Variants in UBE2L3 observed in about 807,000 individuals in gnomAD.
The protein encoded by UBE2L3 is ubiquitin conjugating enzyme E2 L3.
A neutral mutation model predicts 17.8 loss-of-function variants in UBE2L3; 1 was observed. That is an observed-to-expected ratio of 0.06 (90% CI 0.02 to 0.27). UBE2L3 has a LOEUF of 0.27. Ranked by LOEUF, UBE2L3 falls within the 10% of genes least tolerant of loss-of-function variation. The probability of loss-of-function intolerance (pLI) is 1.00; values close to 1 mark genes in which losing one functional copy is unlikely to be tolerated. For synonymous variants in UBE2L3, 44 were observed against 68.5 expected (o/e 0.64, Z 1.76); for missense variants, 40 against 192.6 (o/e 0.21, Z 4.69).
chr22:21,576,875 C>T (rs1268467744), intron 1 of UBE2L3, among the ~76,000 whole-genome samples: 1 of 140,430 alleles, frequency 7.1e-6, no homozygotes, highest in Non-Finnish European at 1.5e-5. Flanking sequence ...ACGATCTTGG[C>T]TCACTGCAAC....
At chr22:21,592,981 C>T (rs1265474584) in intron 2 of UBE2L3, 25 bp downstream of exon 2, 3 of 1,588,246 alleles carry the variant, frequency 1.9e-6, no homozygotes, top group Non-Finnish European at 2.6e-6. Context: ...CTTCCACTTC[C>T]TACCAGATTA....
rs2148438624 is a variant in UBE2L3, at chr22:21,607,646, TTCCCCAGCTC to T, written c.124-3209_124-3200del. Among the ~76,000 whole-genome samples the T allele has an allele frequency of 1.3e-5, 2 of 152,172 alleles. 1 individual carries two copies. Among genetic ancestry groups the T allele is most frequent in the South Asian group, 4.1e-4 (2 of 4,830 alleles). ...GAAAAGGGAGTACAATGGGAAGGGC[TTCCCCAGCTC>T]TGGAGATAGGTAGGGTTGGGGAGAG... On this transcript the variant is annotated intron_variant, in intron 2 of 3. Transcript: ENST00000342192.
chr22:21,559,299 G>A (rs2148390739), intron 1 of UBE2L3, among the ~76,000 whole-genome samples: 1 of 151,664 alleles, frequency 6.6e-6, no homozygotes, highest in South Asian at 2.1e-4. Flanking sequence ...AGTGAGCTGA[G>A]GTTGTGCCAC....
intron 2 of UBE2L3, among the ~76,000 whole-genome samples, chr22:21,594,287 T>A (rs1928409972): frequency 6.6e-6 from 1 of 152,018 alleles, no homozygotes; most frequent in Non-Finnish European, 1.5e-5. Context: ...TTCTTCCTGA[T>A]GCTGGTTATA....
intron 1 of UBE2L3, among the ~76,000 whole-genome samples, chr22:21,561,670 G>A (rs1313774674): frequency 1.3e-5 from 2 of 152,288 alleles, no homozygotes; most frequent in African/African-American, 2.4e-5. Flanking sequence ...TGGACATGGG[G>A]AGTGTAGTGG....
At chr22:21,561,345 G>A (rs556115224) in intron 1 of UBE2L3, among the ~76,000 whole-genome samples, 1,035 of 152,020 alleles carry the variant, frequency 6.8e-3, no homozygotes, top group African/African-American at 0.024. Context: ...GGAGGCTGAG[G>A]TGGGAGAATC....
rs139938687 is a variant in UBE2L3, at chr22:21,584,950, C to T, written c.28-7911C>T. 1.2e-4 allele frequency among the ~76,000 whole-genome samples: 19 copies of T among 152,248 alleles called. No homozygotes were observed. In the East Asian group the frequency reaches 3.5e-3, roughly 28 times the overall value. On this transcript the variant is annotated intron_variant, in intron 1 of 3. Coordinates refer to ENST00000342192, the MANE Select transcript of UBE2L3 (RefSeq NM_003347.4). ...CACTCCAGCCTGGAGAGCGAGACTC[C>T]GTCTCAAAACAAACAAACAAAAAAC... is the stretch of plus-strand genomic sequence containing the variant.
At chr22:21,570,728 A>G (rs2256609) in intron 1 of UBE2L3, among the ~76,000 whole-genome samples, 28,246 of 152,192 alleles carry the variant, frequency 0.19, 3,489 homozygotes, top group East Asian at 0.41. Context: ...AAAGGAAGAA[A>G]AATTATTGAT....
At chr22:21,565,754 C>CAAAAAA (rs131662), upstream of UBE2L3, among the ~76,000 whole-genome samples, 530 of 30,150 alleles carry the variant, frequency 0.018, 29 homozygotes, top group Non-Finnish European at 0.02. Context: ...AACTGTGTCT[C>CAAAAAA]AAAAAAAAAA....
chr22:21,571,314 A>G (rs764468927), intron 1 of UBE2L3, among the ~76,000 whole-genome samples: 11 of 152,200 alleles, frequency 7.2e-5, no homozygotes, highest in Non-Finnish European at 8.8e-5. Context: ...ATTTCCCCTA[A>G]GGGCCCTCCT....
chr22:21,582,608 C>A (rs542475611), intron 1 of UBE2L3, among the ~76,000 whole-genome samples: 1 of 152,278 alleles, frequency 6.6e-6, no homozygotes, highest in East Asian at 1.9e-4. Context: ...TCACTGCAAC[C>A]TCTGCCTCAT....
intron 1 of UBE2L3, among the ~76,000 whole-genome samples, chr22:21,569,484 C>T (rs1926841335): frequency 6.6e-6 from 1 of 151,916 alleles, no homozygotes; most frequent in South Asian, 2.1e-4. Context: ...CCTCATCTCT[C>T]AGGTGCCCTC....
upstream of UBE2L3, among the ~76,000 whole-genome samples, chr22:21,562,784 C>A (rs1215301873): frequency 1.3e-5 from 2 of 148,568 alleles, no homozygotes; most frequent in African/African-American, 5.0e-5. Flanking sequence ...GGATTACAGG[C>A]GTGAGCCACC....
upstream of UBE2L3, among the ~76,000 whole-genome samples, chr22:21,564,181 C>T (rs1466678368): frequency 2.0e-5 from 3 of 151,832 alleles, no homozygotes; most frequent in Admixed American, 2.0e-4. Context: ...AATTACTTGG[C>T]CATCACACCT....
intron 1 of UBE2L3, among the ~76,000 whole-genome samples, chr22:21,592,298 G>A (rs1220821426): frequency 6.6e-6 from 1 of 151,978 alleles, no homozygotes; most frequent in Non-Finnish European, 1.5e-5. Flanking sequence ...AGACTGGATG[G>A]TTCTCTTTGC....
rs538352387 is a variant in UBE2L3, at chr22:21,618,690, C to T, written c.311-2825C>T. 8.5e-5 allele frequency among the ~76,000 whole-genome samples: 13 copies of T among 152,164 alleles called. No individual in the cohort carries two copies. In the South Asian group the frequency reaches 2.7e-3, roughly 32 times the overall value. ...ACAGCCTCAATATTGTGGGCTCAAG[C>T]AATCATCCCACCTCAGCCTCCCAAG... On this transcript the variant is annotated intron_variant, in intron 3 of 3. Coordinates refer to ENST00000342192, the MANE Select transcript of UBE2L3 (RefSeq NM_003347.4).
intron 1 of UBE2L3, among the ~76,000 whole-genome samples, chr22:21,556,402 A>AT (rs1343932581): frequency 6.6e-6 from 1 of 152,208 alleles, no homozygotes; most frequent in South Asian, 2.1e-4. Flanking sequence ...CTAAAAAAAA[A>AT]GTAAAATAAA....
chr22:21,558,375 G>A (rs1164931114), intron 1 of UBE2L3, among the ~76,000 whole-genome samples: 5 of 152,270 alleles, frequency 3.3e-5, no homozygotes, highest in Non-Finnish European at 7.3e-5. Flanking sequence ...GCTTACGCCT[G>A]TAATCCCAGC....
chr22:21,593,642 T>C (rs1928378895), intron 2 of UBE2L3, among the ~76,000 whole-genome samples: 1 of 152,122 alleles, frequency 6.6e-6, no homozygotes, highest in African/African-American at 2.4e-5. Flanking sequence ...AGGCTTGTCT[T>C]ATAATTAACT....
Sources: allele counts gnomAD v4.1 joint callset (sites outside exome capture counted in the v4.1 genomes callset), GRCh38; gene constraint gnomAD v4.1.1; transcripts MANE v1.5; gene names NCBI Gene and HGNC (gene_info 2026-07-23, HGNC 2026-07-21).